The following SIRPA variants were observed in gnomAD, a reference collection of about 807,000 sequenced individuals.
The protein encoded by SIRPA is tyrosine-protein phosphatase non-receptor type substrate 1.
Under a neutral mutation model 50.3 loss-of-function variants are expected in SIRPA, and 9 were observed. That is an observed-to-expected ratio of 0.18 (90% CI 0.11 to 0.31). The LOEUF is 0.31. Among genes scored for constraint, SIRPA ranks in the 10% least tolerant of loss-of-function variants. The probability of loss-of-function intolerance (pLI) is 1.00; values close to 1 mark genes in which losing one functional copy is unlikely to be tolerated. For synonymous variants in SIRPA, 265 were observed against 284.1 expected, an observed-to-expected ratio of 0.93 and a Z score of 0.68; for missense variants, 474 against 661.6, an observed-to-expected ratio of 0.72 and a Z score of 3.11.
intron 1 of SIRPA, among the ~76,000 whole-genome samples, chr20:1,902,558 C>T (rs1984281799): frequency 6.6e-6 from 1 of 152,222 alleles, no homozygotes; most frequent in Non-Finnish European, 1.5e-5. Context: ...CAGACAAAAA[C>T]ACCTGCTCTC....
At position 1,921,390 on chromosome 20, in the gene SIRPA, T is replaced by C; in HGVS notation, c.437-5T>C. 6.2e-7 allele frequency: 1 copy of C among 1,612,608 alleles called. No individual in the cohort carries two copies. Among genetic ancestry groups the C allele is most frequent in the Non-Finnish European group, 8.5e-7 (1 of 1,178,672 alleles). On this transcript the variant is annotated splice_polypyrimidine_tract_variant and splice_region_variant and intron_variant, in intron 2 of 7. Transcript: ENST00000358771. ...GTCTCCTGATTATCGATGGTCCTTT[T>C]GTAGCCAAACCCTCTGCCCCCGTGG...
intron 1 of SIRPA, among the ~76,000 whole-genome samples, chr20:1,913,403 G>T (rs1985022446): frequency 6.6e-6 from 1 of 152,234 alleles, no homozygotes; most frequent in African/African-American, 2.4e-5. Flanking sequence ...CCCTGCCAGT[G>T]GGGTGGTGCC....
rs1986068239 is a variant in SIRPA, at chr20:1,927,774, C to T, written c.1202-101C>T. ...TCCAAGGATGTGATTACAGCATTTC[C>T]TCTCCATGTCCCTGGAGGCAAACCT... On this transcript the variant is annotated intron_variant, in intron 5 of 7. Transcript: ENST00000358771. The surrounding 1 kb of genome is among the most constrained non-coding windows in gnomAD (Gnocchi z 6.5). The T allele has an allele frequency of 9.9e-7, 1 of 1,013,146 alleles. No individual in the cohort carries two copies. The highest frequency in any genetic ancestry group is 1.3e-5 in the South Asian group (1 of 78,634). The allele number at this position is 1,013,146 out of a possible 1,614,324, so 62.8% of individuals were successfully genotyped here. A position where few individuals can be genotyped will look rare whatever the true frequency, so the allele number is the denominator to read the frequency against.
At position 1,933,159 on chromosome 20, in the gene SIRPA, G is replaced by T. The variant is rs1036746207; in HGVS notation, c.1227-1556G>T. Among the ~76,000 whole-genome samples the T allele has an allele frequency of 2.0e-5, 3 of 152,194 alleles. No individual in the cohort carries two copies. The highest frequency in any genetic ancestry group is 2.0e-4 in the Admixed American group (3 of 15,278). ...CAAGTCACTGTTTTTGAGCACATGTGGTGAGGAAGCATGGCAGGCAGGCAG... is the reference window on the plus strand; with the variant it reads ...CAAGTCACTGTTTTTGAGCACATGTTGTGAGGAAGCATGGCAGGCAGGCAG... On this transcript the variant is annotated intron_variant, in intron 6 of 7. Transcript: ENST00000358771. The surrounding 1 kb of genome is among the most constrained non-coding windows in gnomAD (Gnocchi z 4.4).
chr20:1,920,450 C>T (rs2123139399), intron 2 of SIRPA, among the ~76,000 whole-genome samples: 1 of 152,328 alleles, frequency 6.6e-6, no homozygotes, highest in East Asian at 1.9e-4. Context: ...GACCCATCTG[C>T]AGGGAGAAAC....
intron 1 of SIRPA, among the ~76,000 whole-genome samples, chr20:1,907,678 C>G (rs1984628457): frequency 6.6e-6 from 1 of 152,246 alleles, no homozygotes; most frequent in South Asian, 2.1e-4. Flanking sequence ...GGTCATTGCT[C>G]ATGTCCAGGA....
rs181600116 is a variant in SIRPA, at chr20:1,937,910, C to A, written c.*342C>A. On this transcript the variant is annotated 3_prime_UTR_variant, in exon 8 of 8. Transcript: ENST00000358771. The surrounding 1 kb of genome is among the most constrained non-coding windows in gnomAD (Gnocchi z 8.3). ...GGTTTTGAAGACCCTCGACTGCCTC[C>A]CCGATGCTCCGAAGCCTGATCTTCC... The A allele has an allele frequency of 7.2e-3, 2,040 of 285,272 alleles. 13 individuals are homozygous for A. The highest frequency in any genetic ancestry group is 0.011 in the Non-Finnish European group (1,595 of 147,100). 17.7% of individuals were successfully genotyped at this position (285,272 alleles called of 1,614,324 possible).
rs1986626157 is a variant in SIRPA, at chr20:1,937,202, G to A, written c.1267-118G>A. 2 of 1,235,052 alleles carry A rather than the reference G, an allele frequency of 1.6e-6. No individual in the cohort carries two copies. Among genetic ancestry groups the A allele is most frequent in the Admixed American group, 4.3e-5 (2 of 46,576 alleles). The allele number at this position is 1,235,052 out of a possible 1,614,324, so 76.5% of individuals were successfully genotyped here. The stretch of plus-strand genomic sequence containing the variant: ...TGAGGGGAACATGACTTATGGCTGA[G>A]CCAGTGTGGGCCGAGAGGACACAGA... On this transcript the variant is annotated intron_variant, in intron 7 of 7. Coordinates refer to ENST00000358771, the MANE Select transcript of SIRPA (RefSeq NM_001040023.2). This position sits in a 1 kb window ranked among gnomAD's most constrained non-coding sequence, Gnocchi z 8.3.
At chr20:1,904,103 C>G (rs1359420725) in intron 1 of SIRPA, among the ~76,000 whole-genome samples, 1 of 152,136 alleles carries the variant, frequency 6.6e-6, no homozygotes, top group African/African-American at 2.4e-5. Flanking sequence ...AGCTTATTCC[C>G]TAACTACCAC....
At chr20:1,926,721 A>G (rs1986000625) in intron 5 of SIRPA, among the ~76,000 whole-genome samples, 1 of 152,180 alleles carries the variant, frequency 6.6e-6, no homozygotes, top group East Asian at 1.9e-4. Flanking sequence ...GAAAGTTATA[A>G]AACTTGTTCA....
At chr20:1,896,445 A>C (rs1600383778) in intron 1 of SIRPA, among the ~76,000 whole-genome samples, 1 of 63,734 alleles carries the variant, frequency 1.6e-5, no homozygotes, top group South Asian at 6.1e-4. Flanking sequence ...CTGGGAGGGC[A>C]CCGGGTGGGG....
At chr20:1,920,200 A>G (rs1985566425) in intron 2 of SIRPA, among the ~76,000 whole-genome samples, 1 of 152,232 alleles carries the variant, frequency 6.6e-6, no homozygotes, top group Non-Finnish European at 1.5e-5. Flanking sequence ...GTCCAGCTCC[A>G]GAGAAGCCCT....
chr20:1,907,409 G>T (rs1984609882), intron 1 of SIRPA, among the ~76,000 whole-genome samples: 3 of 152,194 alleles, frequency 2.0e-5, no homozygotes, highest in Admixed American at 1.3e-4. Context: ...CGCTAGGTTA[G>T]CCCAGTCCCA....
intron 2 of SIRPA, among the ~76,000 whole-genome samples, chr20:1,920,497 G>A (rs7262284): frequency 2.0e-5 from 3 of 152,330 alleles, no homozygotes; most frequent in African/African-American, 7.2e-5. Flanking sequence ...TGTGCTTTCA[G>A]GACCCAGGAA....
chr20:1,925,964 C>T (rs1291231818), intron 5 of SIRPA, among the ~76,000 whole-genome samples: 1 of 152,132 alleles, frequency 6.6e-6, no homozygotes, highest in Non-Finnish European at 1.5e-5. Flanking sequence ...TTGTCATATT[C>T]TTTTTTCTGT....
At position 1,939,431 on chromosome 20, in the gene SIRPA, C is replaced by T. The variant is rs1468039495; in HGVS notation, c.*1863C>T. The T allele has an allele frequency of 2.6e-5, 4 of 152,156 alleles. No individual in the cohort carries two copies. Among genetic ancestry groups the T allele is most frequent in the Admixed American group, 2.6e-4 (4 of 15,274 alleles). The allele number at this position is 152,156 out of a possible 1,614,324, so 9.4% of individuals were successfully genotyped here. ...TGTGGACAGCTTTGGCCAGAGCTCCCGTGTGGCATCTGGGAGCCACAGTGA... is the reference window on the plus strand; with the variant it reads ...TGTGGACAGCTTTGGCCAGAGCTCCTGTGTGGCATCTGGGAGCCACAGTGA... On this transcript the variant is annotated 3_prime_UTR_variant, in exon 8 of 8. Coordinates refer to ENST00000358771, the MANE Select transcript of SIRPA (RefSeq NM_001040023.2). The surrounding 1 kb of genome is among the most constrained non-coding windows in gnomAD (Gnocchi z 4.7).
rs113383779 is a variant in SIRPA, at chr20:1,927,959, C to T, written c.1226+60C>T. On this transcript the variant is annotated intron_variant, in intron 6 of 7. Coordinates refer to ENST00000358771, the MANE Select transcript of SIRPA (RefSeq NM_001040023.2). This position sits in a 1 kb window ranked among gnomAD's most constrained non-coding sequence, Gnocchi z 6.5. ...TATTATTTGGTTATTTGACAGCCCC[C>T]CAGACTACAAAGCATAATCCATGTC... 0.024 allele frequency: 33,851 copies of T among 1,418,240 alleles called. 527 individuals carry two copies. Among genetic ancestry groups the T allele is most frequent in the African/African-American group, 0.068 (4,869 of 71,250 alleles). 87.9% of individuals were successfully genotyped at this position (1,418,240 alleles called of 1,614,324 possible). A position where few individuals can be genotyped will look rare whatever the true frequency, so the allele number is the denominator to read the frequency against.
Position 1,924,358 on chromosome 20 carries a change from A to G in SIRPA, c.1088-406A>G, listed in dbSNP as rs1252179343. Among the ~76,000 whole-genome samples the G allele has an allele frequency of 6.6e-6, 1 of 152,180 alleles. No individual in the cohort carries two copies. The highest frequency in any genetic ancestry group is 1.5e-5 in the Non-Finnish European group (1 of 68,020). On this transcript the variant is annotated intron_variant, in intron 4 of 7. Transcript: ENST00000358771. This position sits in a 1 kb window ranked among gnomAD's most constrained non-coding sequence, Gnocchi z 4.5. ...GGTCGTCAGCCCCTGAGCTGTGCAG[A>G]GCCTGCTGGCCGCACTGCCCTTCTT... is the stretch of plus-strand genomic sequence containing the variant.
At chr20:1,903,063 C>A (rs1984331605) in intron 1 of SIRPA, among the ~76,000 whole-genome samples, 1 of 150,336 alleles carries the variant, frequency 6.7e-6, no homozygotes, top group Non-Finnish European at 1.5e-5. Flanking sequence ...GGAGGAGTAG[C>A]CACGGGGGAT....
Sources: allele counts gnomAD v4.1 joint callset (sites outside exome capture counted in the v4.1 genomes callset), GRCh38; gene constraint gnomAD v4.1.1; non-coding constraint Gnocchi (gnomAD v3.1); transcripts MANE v1.5; gene names NCBI Gene and HGNC (gene_info 2026-07-23, HGNC 2026-07-21).